Variants in ROBO2 observed in about 807,000 individuals in gnomAD.
The protein encoded by ROBO2 is roundabout guidance receptor 2, also known as roundabout homolog 2.
In ROBO2, 53 loss-of-function variants were observed where a neutral mutation model predicts 160.8. The observed-to-expected ratio is 0.33, with a 90% CI of 0.26 to 0.41. The LOEUF (loss-of-function observed/expected upper bound fraction) is 0.41. Among genes scored for constraint, ROBO2 ranks in the 10% least tolerant of loss-of-function variants. ROBO2 has a pLI of 1.00. For missense variants in ROBO2, 1,577 were observed against 1,722.4 expected, an observed-to-expected ratio of 0.92 and a Z score of 1.49; for synonymous variants, 664 against 611.7, an observed-to-expected ratio of 1.09 and a Z score of -1.26.
In ROBO2 at chr3:77,415,843, T is replaced by G. The variant is rs369668847; in HGVS notation, c.389-61571T>G. ...CCAAGAAATGTTACATCATTTCTGC[T>G]GCCCGCAGTGCAGCAAACAGGAGGG... On this transcript the variant is annotated intron_variant, in intron 2 of 25. Transcript: ENST00000461745. Among the ~76,000 whole-genome samples, 14 of 152,300 alleles carry G rather than the reference T, an allele frequency of 9.2e-5. No individual in the cohort carries two copies. The South Asian group carries it at 2.9e-3, about 32-fold the overall frequency.
intron 2 of ROBO2, among the ~76,000 whole-genome samples, chr3:76,064,164 G>A (rs1016547834): frequency 6.6e-6 from 1 of 152,176 alleles, no homozygotes; most frequent in Non-Finnish European, 1.5e-5. Context: ...AGCCTCGTGA[G>A]ACCCAGAGCA....
chr3:76,195,586 G>T (rs987882028), intron 2 of ROBO2, among the ~76,000 whole-genome samples: 1 of 152,162 alleles, frequency 6.6e-6, no homozygotes, highest in Admixed American at 6.5e-5. Context: ...ATACATAATT[G>T]TGTGTTGAAA....
At chr3:76,273,118 TAA>T (rs1491329962) in intron 2 of ROBO2, among the ~76,000 whole-genome samples, 24 of 9,044 alleles carry the variant, frequency 2.7e-3, no homozygotes, top group South Asian at 0.023. Flanking sequence ...CACACACATA[TAA>T]ATATATATAT....
intron 1 of ROBO2, among the ~76,000 whole-genome samples, chr3:77,087,839 CAT>C (rs1169846182): frequency 1.3e-5 from 2 of 151,728 alleles, no homozygotes; most frequent in African/African-American, 2.4e-5. Context: ...TACACACACA[CAT>C]ATATATAGAT....
intron 2 of ROBO2, among the ~76,000 whole-genome samples, chr3:75,958,431 C>A (rs1448873289): frequency 2.0e-5 from 3 of 151,702 alleles, no homozygotes; most frequent in Non-Finnish European, 2.9e-5. Flanking sequence ...GAAAGTCAAG[C>A]AAAAACTCAA....
chr3:77,557,580 A>G (rs2093168024), intron 8 of ROBO2, among the ~76,000 whole-genome samples: 1 of 151,004 alleles, frequency 6.6e-6, no homozygotes, highest in South Asian at 2.1e-4. Context: ...TGAACATTTC[A>G]TAGGTGACTG....
chr3:76,886,516 GA>G (rs1272798768), intron 2 of ROBO2, among the ~76,000 whole-genome samples: 1 of 152,244 alleles, frequency 6.6e-6, no homozygotes, highest in South Asian at 2.1e-4. Flanking sequence ...CAGAAGGAGG[GA>G]ATGTAGGTTT....
chr3:76,050,454 G>C (rs539025330), intron 2 of ROBO2, among the ~76,000 whole-genome samples: 66 of 152,152 alleles, frequency 4.3e-4, no homozygotes, highest in South Asian at 1.2e-3. Flanking sequence ...TGCAGATGGC[G>C]TATTGGGGGC....
chr3:77,563,042 C>T (rs2093374652), intron 10 of ROBO2, 125 bp from the exon 12 acceptor site: 1 of 852,236 alleles, frequency 1.2e-6, no homozygotes, highest in Non-Finnish European at 1.9e-6. Context: ...TTACATACTT[C>T]TGATTCATGG....
At chr3:76,959,467 G>A (rs1340483610) in intron 2 of ROBO2, among the ~76,000 whole-genome samples, 1 of 152,156 alleles carries the variant, frequency 6.6e-6, no homozygotes, top group African/African-American at 2.4e-5. Context: ...GGCCAATTTA[G>A]TGGCTGCTTC....
At position 77,074,371 on chromosome 3, in the gene ROBO2, A is replaced by G. The variant is rs544553411; in HGVS notation, c.62-23643A>G. 2.0e-5 allele frequency among the ~76,000 whole-genome samples: 3 copies of G among 152,320 alleles called. No homozygotes were observed. The East Asian group carries it at 5.8e-4, about 29-fold the overall frequency. On this transcript the variant is annotated intron_variant, in intron 1 of 25. Coordinates refer to ENST00000461745, the Ensembl canonical transcript of ROBO2. ...TATAACTCTAGGACATAAAAGAAGTAGTTAGGAACAGATGATTTTTGATGT... is the reference window on the plus strand; with the variant it reads ...TATAACTCTAGGACATAAAAGAAGTGGTTAGGAACAGATGATTTTTGATGT...
chr3:77,029,120 T>C (rs1245173578), intron 2 of ROBO2, among the ~76,000 whole-genome samples: 1 of 152,200 alleles, frequency 6.6e-6, no homozygotes, highest in African/African-American at 2.4e-5. Flanking sequence ...TTGGACTATA[T>C]TTCTTCAACT....
At chr3:76,251,381 T>A (rs1432204920) in intron 2 of ROBO2, among the ~76,000 whole-genome samples, 1 of 151,994 alleles carries the variant, frequency 6.6e-6, no homozygotes, top group Non-Finnish European at 1.5e-5. Context: ...CAGCTGTAGA[T>A]CTAGGCAGGA....
chr3:76,495,246 T>C (rs1187424233), intron 2 of ROBO2, among the ~76,000 whole-genome samples: 1 of 151,466 alleles, frequency 6.6e-6, no homozygotes, highest in Non-Finnish European at 1.5e-5. Context: ...TTCTGGAGTT[T>C]AAGACACACA....
intron 2 of ROBO2, among the ~76,000 whole-genome samples, chr3:77,361,157 T>A (rs2069927613): frequency 6.6e-6 from 1 of 152,172 alleles, no homozygotes; most frequent in Non-Finnish European, 1.5e-5. Context: ...GGTTGCCAGA[T>A]TAAATGCAGT....
chr3:77,290,707 TA>T (rs572320103), intron 2 of ROBO2, among the ~76,000 whole-genome samples: 1,929 of 21,918 alleles, frequency 0.088, no homozygotes, highest in East Asian at 0.23. Context: ...ACCCCAGACA[TA>T]AAGTAAAATT....
chr3:76,262,615 C>T (rs1706840656), intron 2 of ROBO2, among the ~76,000 whole-genome samples: 1 of 152,090 alleles, frequency 6.6e-6, no homozygotes, highest in Non-Finnish European at 1.5e-5. Context: ...AGCTGGATGT[C>T]AGCTTTTCTA....
At chr3:77,289,249 G>A (rs887728436) in intron 2 of ROBO2, among the ~76,000 whole-genome samples, 3 of 152,284 alleles carry the variant, frequency 2.0e-5, no homozygotes, top group East Asian at 1.9e-4. Flanking sequence ...ATTGAGGTAA[G>A]TTCCTTTGGA....
At chr3:77,518,674 C>A (rs2090282062) in intron 5 of ROBO2, among the ~76,000 whole-genome samples, 1 of 151,418 alleles carries the variant, frequency 6.6e-6, no homozygotes, top group African/African-American at 2.4e-5. Context: ...AATTTTGGTG[C>A]AATGCGTAGA....
Sources: allele counts gnomAD v4.1 joint callset (sites outside exome capture counted in the v4.1 genomes callset), GRCh38; gene constraint gnomAD v4.1.1; transcripts MANE v1.5; gene names NCBI Gene and HGNC (gene_info 2026-07-23, HGNC 2026-07-21).